Variants in CNBD1 observed in about 807,000 individuals in gnomAD.
CNBD1 encodes cyclic nucleotide binding domain containing 1.
In CNBD1, 71 loss-of-function variants were observed where a neutral mutation model predicts 54.4. That is an observed-to-expected ratio of 1.30 (90% confidence interval 1.08 to 1.59). The LOEUF (loss-of-function observed/expected upper bound fraction) is 1.59, where lower values mean the gene tolerates loss of function less well. Ranked by LOEUF, CNBD1 falls within the 40% of genes most tolerant of loss-of-function variation. CNBD1 has a pLI of 0.00. For missense variants in CNBD1, 659 were observed against 518.0 expected, an observed-to-expected ratio of 1.27 and a Z score of -2.64; for synonymous variants, 182 against 170.7, an observed-to-expected ratio of 1.07 and a Z score of -0.51.
At chr8:87,290,883 T>C (rs1808772507) in intron 8 of CNBD1, among the ~76,000 whole-genome samples, 1 of 152,176 alleles carries the variant, frequency 6.6e-6, no homozygotes, top group South Asian at 2.1e-4. Flanking sequence ...GCTTGCTGGT[T>C]TCAATATTTT....
intron 2 of CNBD1, among the ~76,000 whole-genome samples, chr8:87,418,861 A>G (rs1807879584): frequency 6.6e-6 from 1 of 151,958 alleles, no homozygotes. Flanking sequence ...ATGAAAGTGT[A>G]AAATGATGCA....
intron 5 of CNBD1, among the ~76,000 whole-genome samples, chr8:87,219,438 A>C (rs1814279282): frequency 1.3e-5 from 2 of 152,030 alleles, no homozygotes; most frequent in African/African-American, 4.8e-5. Context: ...TGAAATACTT[A>C]AATACCCTTC....
chr8:87,266,377 G>A (rs1808258558), intron 6 of CNBD1, among the ~76,000 whole-genome samples: 2 of 138,954 alleles, frequency 1.4e-5, no homozygotes, highest in African/African-American at 2.7e-5. Flanking sequence ...CGACTGATAG[G>A]TAAGCACACT....
At chr8:87,063,956 T>C (rs1810594672) in intron 4 of CNBD1, among the ~76,000 whole-genome samples, 1 of 152,058 alleles carries the variant, frequency 6.6e-6, no homozygotes, top group South Asian at 2.1e-4. Context: ...ACCTTATTTC[T>C]AACACTTTGC....
chr8:86,968,430 T>C (rs1808142334), intron 4 of CNBD1, among the ~76,000 whole-genome samples: 1 of 152,156 alleles, frequency 6.6e-6, no homozygotes, highest in African/African-American at 2.4e-5. Context: ...TAAAAATGTA[T>C]TTTCTCTTTT....
intron 4 of CNBD1, among the ~76,000 whole-genome samples, chr8:87,096,170 A>G (rs1208505163): frequency 6.6e-6 from 1 of 152,200 alleles, no homozygotes; most frequent in African/African-American, 2.4e-5. Context: ...AACAAATACC[A>G]TAGACTGGGC....
At chr8:87,425,067 C>T (rs980848316) in intron 2 of CNBD1, among the ~76,000 whole-genome samples, 1 of 152,040 alleles carries the variant, frequency 6.6e-6, no homozygotes, top group African/African-American at 2.4e-5. Flanking sequence ...TCATTTCATT[C>T]ATTTCATCTT....
At chr8:87,205,855 G>A in intron 4 of CNBD1, 138 bp from the exon 5 acceptor site, 1 of 592,646 alleles carries the variant, frequency 1.7e-6, no homozygotes, top group Non-Finnish European at 2.5e-6. Flanking sequence ...AGAAAAAATA[G>A]AATAGCATCA....
At chr8:87,056,771 A>AT (rs752673142) in intron 4 of CNBD1, among the ~76,000 whole-genome samples, 63 of 151,546 alleles carry the variant, frequency 4.2e-4, no homozygotes, top group Non-Finnish European at 7.5e-4. Context: ...TAGAGGTAGA[A>AT]TTTTTTTTTA....
At chr8:87,377,021 C>T (rs564113252) in intron 10 of CNBD1, among the ~76,000 whole-genome samples, 2,663 of 128,070 alleles carry the variant, frequency 0.021, 79 homozygotes, top group African/African-American at 0.067. Flanking sequence ...TATTTTTTTT[C>T]TTTTTTTTTT....
chr8:87,027,650 C>T (rs1428803191), intron 4 of CNBD1, among the ~76,000 whole-genome samples: 1 of 152,184 alleles, frequency 6.6e-6, no homozygotes, highest in Non-Finnish European at 1.5e-5. Flanking sequence ...AAGAACATCA[C>T]CTGGAATCTA....
intron 3 of CNBD1, among the ~76,000 whole-genome samples, chr8:86,928,818 G>A (rs1377602745): frequency 6.6e-6 from 1 of 152,210 alleles, no homozygotes; most frequent in African/African-American, 2.4e-5. Context: ...ATTTGGCCCT[G>A]TAAATAGGGA....
intron 2 of CNBD1, among the ~76,000 whole-genome samples, chr8:87,396,491 T>G (rs1811410317): frequency 6.6e-6 from 1 of 151,918 alleles, no homozygotes; most frequent in African/African-American, 2.4e-5. Flanking sequence ...CTTACTTCAT[T>G]GGTAAGTCTT....
chr8:87,141,965 GGTT>G (rs2130739167), intron 4 of CNBD1, among the ~76,000 whole-genome samples: 3 of 152,132 alleles, frequency 2.0e-5, no homozygotes, highest in African/African-American at 7.2e-5. Flanking sequence ...CAGTGGCAGT[GGTT>G]TTAAAAAGAC....
At chr8:86,948,350 C>A (rs907034682) in intron 4 of CNBD1, among the ~76,000 whole-genome samples, 1 of 152,136 alleles carries the variant, frequency 6.6e-6, no homozygotes, top group South Asian at 2.1e-4. Flanking sequence ...ATTCACAGTT[C>A]TTGTACTAAT....
intron 4 of CNBD1, among the ~76,000 whole-genome samples, chr8:87,138,250 G>C (rs896360043): frequency 1.3e-5 from 2 of 152,102 alleles, no homozygotes; most frequent in East Asian, 3.9e-4. Flanking sequence ...ACTGAATATA[G>C]TGAAGGAGGT....
intron 10 of CNBD1, among the ~76,000 whole-genome samples, chr8:87,362,048 C>A (rs1810534052): frequency 6.6e-6 from 1 of 151,956 alleles, no homozygotes; most frequent in African/African-American, 2.4e-5. Flanking sequence ...GAGATTGAGT[C>A]CAATGACAAA....
intron 1 of CNBD1, among the ~76,000 whole-genome samples, chr8:86,886,634 A>G (rs1808684218): frequency 6.6e-6 from 1 of 152,224 alleles, no homozygotes; most frequent in African/African-American, 2.4e-5. Context: ...TCAGAAAACT[A>G]GAAGTAAAAA....
intron 2 of CNBD1, among the ~76,000 whole-genome samples, chr8:87,400,386 C>G (rs1168211297): frequency 2.0e-5 from 3 of 151,902 alleles, no homozygotes; most frequent in African/African-American, 7.3e-5. Flanking sequence ...TCCTGAAAGA[C>G]TACCATTCTT....
Sources: gnomAD v4.1 joint callset for allele counts (sites outside exome capture counted in the v4.1 genomes callset) on GRCh38, gnomAD v4.1.1 for gene constraint, MANE v1.5 for transcripts, NCBI Gene and HGNC (gene_info 2026-07-23, HGNC 2026-07-21) for gene names.